Variants in WDHD1 observed in about 807,000 individuals in gnomAD.
WDHD1 encodes WD repeat and HMG-box DNA binding protein 1.
Under a neutral mutation model 135.4 loss-of-function variants are expected in WDHD1, and 111 were observed. That is an observed-to-expected ratio of 0.82 (90% CI 0.70 to 0.96). The LOEUF is 0.96. Among genes scored for constraint, WDHD1 ranks in the 40% least tolerant of loss-of-function variants. The pLI is 0.00. For synonymous variants in WDHD1, 434 were observed against 439.0 expected (o/e 0.99, Z 0.14); for missense variants, 1,351 against 1,336.3 (o/e 1.01, Z -0.17).
At chr14:55,011,723 A>G (rs1835918475) in intron 3 of WDHD1, among the ~76,000 whole-genome samples, 1 of 151,054 alleles carries the variant, frequency 6.6e-6, no homozygotes, top group Admixed American at 6.6e-5. Context: ...TCTGAATCTC[A>G]TTTTTTTTAC....
intron 16 of WDHD1, among the ~76,000 whole-genome samples, chr14:54,967,639 G>T (rs967030262): frequency 6.6e-6 from 1 of 151,336 alleles, no homozygotes; most frequent in African/African-American, 2.4e-5. Context: ...TATTTTTTTT[G>T]AGACAGGGTC....
At chr14:55,010,577 A>T in intron 3 of WDHD1, 117 bp from the exon 4 acceptor site, 2 of 898,382 alleles carry the variant, frequency 2.2e-6, no homozygotes, top group Non-Finnish European at 3.0e-6. Context: ...GTTCATATCA[A>T]GAGAAAAATT....
Position 55,013,492 on chromosome 14 carries a change from G to C in WDHD1, c.182C>G (p.Ala61Gly), listed in dbSNP as rs781322213. ...TATAACTGTTTTTACTACCTTCAAA[G>C]CACATGAATATGCCTTTTCTCCAAC... ...INVGEKAYSC[A>G]LKSGKLVTAV... is the part of the protein sequence containing the mutation. Residue 61 changes from alanine (A) to glycine (G), a missense_variant, in exon 3 of 26, where the codon GCT becomes GGT. Transcript: ENST00000360586. The C allele has an allele frequency of 6.2e-7, 1 of 1,611,002 alleles. No homozygotes were observed. Among genetic ancestry groups the C allele is most frequent in the Non-Finnish European group, 8.5e-7 (1 of 1,177,512 alleles).
chr14:54,947,040 CA>C (rs1006864234), intron 24 of WDHD1, among the ~76,000 whole-genome samples: 1 of 149,924 alleles, frequency 6.7e-6, no homozygotes, highest in Admixed American at 6.7e-5. Flanking sequence ...AAGACTGTCT[CA>C]AAAAAAGTGT....
intron 2 of WDHD1, among the ~76,000 whole-genome samples, chr14:55,023,023 A>G (rs2042375643): frequency 1.3e-5 from 2 of 151,918 alleles, no homozygotes; most frequent in South Asian, 2.1e-4. Flanking sequence ...ACAGGGTTTC[A>G]ACACGTTGGG....
chr14:54,997,814 G>C (rs1284720682), intron 10 of WDHD1, among the ~76,000 whole-genome samples: 1 of 151,842 alleles, frequency 6.6e-6, no homozygotes, highest in Non-Finnish European at 1.5e-5. Flanking sequence ...AGGAGGCTGA[G>C]GCAGGAGAAT....
intron 11 of WDHD1, among the ~76,000 whole-genome samples, chr14:54,993,157 A>G (rs886789866): frequency 2.0e-5 from 3 of 152,010 alleles, no homozygotes; most frequent in Non-Finnish European, 2.9e-5. Context: ...TCGTTCTGTT[A>G]CCCTGCCTGG....
intron 2 of WDHD1, among the ~76,000 whole-genome samples, chr14:55,025,999 G>A (rs1213454224): frequency 1.3e-5 from 2 of 152,122 alleles, no homozygotes; most frequent in African/African-American, 2.4e-5. Context: ...GTTTATCACT[G>A]CACATATTAC....
intron 2 of WDHD1, 69 bp from the exon 3 acceptor site, chr14:55,013,665 G>C (rs960552114): frequency 2.5e-6 from 3 of 1,199,720 alleles, no homozygotes; most frequent in Admixed American, 1.7e-5. Context: ...TAGCACTTTG[G>C]GAGTACAAGG....
At chr14:54,962,070 C>T (rs919098221) in intron 21 of WDHD1, among the ~76,000 whole-genome samples, 1 of 152,130 alleles carries the variant, frequency 6.6e-6, no homozygotes, top group Non-Finnish European at 1.5e-5. Context: ...CTCCTGACCT[C>T]GTTATCCGCC....
rs757915328 is a variant in WDHD1, at chr14:54,981,687, C to T, written c.1916G>A (p.Cys639Tyr). The T allele has an allele frequency of 3.1e-6, 5 of 1,606,816 alleles. No homozygotes were observed. The African/African-American group carries it at 6.7e-5, about 21-fold the overall frequency. Reference sequence around the variant, plus strand: ...AACAATTCCTTCTGAATCCACGTAACAAGGGGTACCTAAACACCAACAGAA... The same window carrying T: ...AACAATTCCTTCTGAATCCACGTAATAAGGGGTACCTAAACACCAACAGAA... Reference protein sequence around the residue: ...WIGFSAEGTPCYVDSEGIVRM... With the variant: ...WIGFSAEGTPYYVDSEGIVRM... The change falls in exon 16 of 26, where the codon TGT becomes TAT. Residue 639 changes from cysteine (C) to tyrosine (Y), a missense_variant. Around this residue, in one of 2 missense-constraint regions of WDHD1, gnomAD observed 1,330 missense variants for 1,296.1 expected, o/e 1.03. Transcript: ENST00000360586.
chr14:55,015,870 T>C (rs1197569745), intron 2 of WDHD1, among the ~76,000 whole-genome samples: 1 of 151,988 alleles, frequency 6.6e-6, no homozygotes. Flanking sequence ...AGCTAATCTT[T>C]GTGTTTTTAG....
intron 10 of WDHD1, among the ~76,000 whole-genome samples, chr14:54,998,486 A>G (rs894293684): frequency 1.3e-5 from 2 of 152,094 alleles, no homozygotes; most frequent in Admixed American, 6.5e-5. Context: ...ATGCATATAT[A>G]TTAGTTAGGC....
At chr14:55,018,044 A>G (rs2042288663) in intron 2 of WDHD1, among the ~76,000 whole-genome samples, 1 of 152,124 alleles carries the variant, frequency 6.6e-6, no homozygotes, top group South Asian at 2.1e-4. Flanking sequence ...CACAAAAAAT[A>G]CTAGCATTGC....
Position 54,963,074 on chromosome 14 carries a change from A to T in WDHD1, c.2409T>A (p.Ser803=). ...GTTTTTGAGCCAGTATTAATTTCCG[A>T]GAGCGAGAAGCATATTTAATGGCTA... The part of the protein sequence containing the change: ...VNLAIKYASR[S]RKLILAQKLS... Residue 803 remains serine, a synonymous_variant, in exon 19 of 26, where the codon TCT becomes TCA. Coordinates refer to ENST00000360586, the MANE Select transcript of WDHD1 (RefSeq NM_007086.4). 1 of 1,608,072 alleles carries T rather than the reference A, an allele frequency of 6.2e-7. No homozygotes were observed. Among genetic ancestry groups the T allele is most frequent in the Non-Finnish European group, 8.5e-7 (1 of 1,176,938 alleles).
At position 54,957,033 on chromosome 14, in the gene WDHD1, C is replaced by A. The variant is rs971742800; in HGVS notation, c.2916+1G>T. On this transcript the variant is annotated splice_donor_variant, in intron 23 of 25. Transcript: ENST00000360586. LOFTEE classifies it high-confidence loss of function. ...GCAGATGAGGGTAGCTGAAACAGTACCTGCTTAGGCTTCGGCTTTGGAATC... is the reference window on the plus strand; with the variant it reads ...GCAGATGAGGGTAGCTGAAACAGTAACTGCTTAGGCTTCGGCTTTGGAATC... The A allele has an allele frequency of 1.9e-6, 3 of 1,612,442 alleles. No individual in the cohort carries two copies. Among genetic ancestry groups the A allele is most frequent in the Non-Finnish European group, 2.5e-6 (3 of 1,179,236 alleles).
At chr14:55,013,917 A>G (rs938440545) in intron 2 of WDHD1, among the ~76,000 whole-genome samples, 12 of 152,162 alleles carry the variant, frequency 7.9e-5, no homozygotes, top group African/African-American at 2.9e-4. Context: ...AAGGAAAAAA[A>G]AAAGTCACCT....
In WDHD1 at chr14:55,008,401, T is replaced by C. The variant is rs771904356; in HGVS notation, c.454-35A>G. On this transcript the variant is annotated intron_variant, in intron 5 of 25. Coordinates refer to ENST00000360586, the MANE Select transcript of WDHD1 (RefSeq NM_007086.4). ...TAAACAATACATTTCTCTATAGTCA[T>C]AGCCATAATACTACATGGAAAGTGG... 4.2e-5 allele frequency: 68 copies of C among 1,600,682 alleles called. No homozygotes were observed. The South Asian group carries it at 6.6e-4, about 16-fold the overall frequency.
chr14:54,977,662 A>T (rs1488432446), intron 16 of WDHD1, among the ~76,000 whole-genome samples: 1 of 152,174 alleles, frequency 6.6e-6, no homozygotes, highest in Non-Finnish European at 1.5e-5. Flanking sequence ...ACGTAAGGAG[A>T]CCCTGTTTCT....
Sources: allele counts gnomAD v4.1 joint callset (sites outside exome capture counted in the v4.1 genomes callset), GRCh38; gene constraint gnomAD v4.1.1; regional missense constraint gnomAD v4.1.1; transcripts MANE v1.5; gene names NCBI Gene and HGNC (gene_info 2026-07-23, HGNC 2026-07-21).